ACVR2A: variants seen among roughly 807,000 people sequenced by gnomAD.
ACVR2A encodes activin A receptor type 2A.
A neutral mutation model predicts 61.4 loss-of-function variants in ACVR2A; 7 were observed. That is an observed-to-expected ratio of 0.11 (90% CI 0.06 to 0.21). ACVR2A has a LOEUF of 0.21. ACVR2A is among the 10% of genes least tolerant of loss of function. The pLI, the probability that ACVR2A is intolerant of heterozygous loss-of-function variation, is 1.00. For synonymous variants in ACVR2A, 193 were observed against 208.3 expected (o/e 0.93, Z 0.63); for missense variants, 322 against 621.7 (o/e 0.52, Z 5.13).
In ACVR2A at chr2:147,908,204, T is replaced by C. The variant is rs146168216; in HGVS notation, c.529-6987T>C. Among the ~76,000 whole-genome samples, 1,062 of 152,300 alleles carry C rather than the reference T, an allele frequency of 7.0e-3. 10 individuals are homozygous for C. Among genetic ancestry groups the C allele is most frequent in the African/African-American group, 0.024 (998 of 41,562 alleles). On this transcript the variant is annotated intron_variant, in intron 4 of 10. Coordinates refer to ENST00000241416, the MANE Select transcript of ACVR2A (RefSeq NM_001616.5). The stretch of plus-strand genomic sequence containing the variant: ...TTCATGTGTAACATGGTTTATTTTC[T>C]GGTTTTTTCAGCTACACTTGCAGAA...
At chr2:147,872,990 G>A (rs531860472) in intron 1 of ACVR2A, among the ~76,000 whole-genome samples, 119 of 152,026 alleles carry the variant, frequency 7.8e-4, no homozygotes, top group Non-Finnish European at 1.3e-3. Flanking sequence ...TTTGACACTT[G>A]TATTGGAGAC....
At chr2:147,915,048 G>A (rs2105213345) in intron 4 of ACVR2A, 143 bp from the exon 5 acceptor site, 1 of 728,460 alleles carries the variant, frequency 1.4e-6, no homozygotes, top group Non-Finnish European at 2.2e-6. Flanking sequence ...ATCTAATTAT[G>A]GCAACATTGA....
At chr2:147,915,379 C>G (rs758522241) in intron 5 of ACVR2A, 45 bp downstream of exon 5, 1 of 1,604,204 alleles carries the variant, frequency 6.2e-7, no homozygotes, top group Non-Finnish European at 8.5e-7. Context: ...TGTTTTATGG[C>G]TAGGTCATCA....
rs1687615723 is a variant in ACVR2A, at chr2:147,929,770, A to G, written c.*2496A>G. 1 of 152,266 alleles carries G rather than the reference A, an allele frequency of 6.6e-6. No individual in the cohort carries two copies. Among genetic ancestry groups the G allele is most frequent in the African/African-American group, 2.4e-5 (1 of 41,352 alleles). The allele number at this position is 152,266 out of a possible 1,614,324, so 9.4% of individuals were successfully genotyped here. On this transcript the variant is annotated 3_prime_UTR_variant, in exon 11 of 11. Coordinates refer to ENST00000241416, the MANE Select transcript of ACVR2A (RefSeq NM_001616.5). ...CAAAGAATGAGAAAAATGGTGATCC[A>G]TTTTGGGGCAAACTGAGACCCCCCA...
chr2:147,857,699 A>G (rs1188249475), intron 1 of ACVR2A, among the ~76,000 whole-genome samples: 2 of 152,140 alleles, frequency 1.3e-5, no homozygotes, highest in African/African-American at 4.8e-5. Flanking sequence ...ATGGAATATC[A>G]TGTGAACTTG....
intron 4 of ACVR2A, among the ~76,000 whole-genome samples, chr2:147,912,453 T>C (rs1687142344): frequency 6.6e-6 from 1 of 151,958 alleles, no homozygotes; most frequent in Non-Finnish European, 1.5e-5. Context: ...TTTCTCTATG[T>C]AGCCAGGTAA....
intron 1 of ACVR2A, among the ~76,000 whole-genome samples, chr2:147,868,413 C>T (rs1341673883): frequency 6.6e-6 from 1 of 152,090 alleles, no homozygotes; most frequent in East Asian, 1.9e-4. Flanking sequence ...GAAATGGAGC[C>T]TGGGATGCCA....
At chr2:147,870,072 G>A (rs192326122) in intron 1 of ACVR2A, among the ~76,000 whole-genome samples, 138 of 146,534 alleles carry the variant, frequency 9.4e-4, no homozygotes, top group African/African-American at 3.2e-3. Context: ...ATGGGAGGAC[G>A]TATGAGGAGG....
chr2:147,856,450 A>G (rs1431739022), intron 1 of ACVR2A, among the ~76,000 whole-genome samples: 1 of 152,176 alleles, frequency 6.6e-6, no homozygotes. Context: ...TATAAATACT[A>G]TAGGTCATTT....
intron 7 of ACVR2A, 112 bp downstream of exon 7, chr2:147,918,704 ACAGT>A: frequency 2.2e-6 from 2 of 906,744 alleles, no homozygotes; most frequent in Non-Finnish European, 1.5e-6. Flanking sequence ...GCTTTACAAG[ACAGT>A]CAGTTTTCAT....
intron 4 of ACVR2A, among the ~76,000 whole-genome samples, chr2:147,913,013 GAT>G (rs1199997110): frequency 3.3e-5 from 5 of 151,740 alleles, no homozygotes; most frequent in Non-Finnish European, 7.4e-5. Flanking sequence ...CTGAAATAAT[GAT>G]AGCTTAGAAA....
chr2:147,868,804 A>AT (rs964117997), intron 1 of ACVR2A, among the ~76,000 whole-genome samples: 8 of 150,778 alleles, frequency 5.3e-5, no homozygotes, highest in South Asian at 2.1e-4. Context: ...TAATTTTTTA[A>AT]TTTTTTTTGT....
intron 1 of ACVR2A, among the ~76,000 whole-genome samples, chr2:147,867,105 A>G (rs1180209931): frequency 1.3e-5 from 2 of 152,230 alleles, no homozygotes; most frequent in Non-Finnish European, 2.9e-5. Context: ...TAGAGCCTGA[A>G]AAGTCACCAC....
intron 1 of ACVR2A, among the ~76,000 whole-genome samples, chr2:147,892,011 G>A (rs1307376768): frequency 1.3e-5 from 2 of 151,580 alleles, no homozygotes; most frequent in African/African-American, 4.9e-5. Context: ...TCTTTCTGTT[G>A]CCCAGGCTGG....
At chr2:147,915,052 A>T (rs1300585432) in intron 4 of ACVR2A, 139 bp from the exon 5 acceptor site, 2 of 747,824 alleles carry the variant, frequency 2.7e-6, no homozygotes, top group Non-Finnish European at 4.3e-6. Flanking sequence ...AATTATGGCA[A>T]CATTGAAGTT....
chr2:147,855,957 A>G (rs1685561574), intron 1 of ACVR2A, among the ~76,000 whole-genome samples: 3 of 152,016 alleles, frequency 2.0e-5, no homozygotes, highest in Admixed American at 2.0e-4. Flanking sequence ...GTAATATACT[A>G]TATTGTTGGT....
At position 147,899,800 on chromosome 2, in the gene ACVR2A, T is replaced by A; in HGVS notation, c.430T>A (p.Leu144Met). The change falls in exon 4 of 11, where the codon TTG (leucine) becomes ATG (methionine). Residue 144 changes from leucine (L) to methionine (M), a missense_variant. Transcript: ENST00000241416. ...CTATTACAACATCCTGCTCTATTCC[T>A]TGGTGCCACTTATGTTAATTGCGGG... ...PPYYNILLYS[L>M]VPLMLIAGIV... The A allele has an allele frequency of 6.2e-7, 1 of 1,613,842 alleles. No individual in the cohort carries two copies. Among genetic ancestry groups the A allele is most frequent in the Non-Finnish European group, 8.5e-7 (1 of 1,179,774 alleles).
At chr2:147,905,958 G>C (rs1001269599) in intron 4 of ACVR2A, among the ~76,000 whole-genome samples, 9 of 152,132 alleles carry the variant, frequency 5.9e-5, no homozygotes, top group Non-Finnish European at 1.3e-4. Flanking sequence ...AGTGACTTCT[G>C]TTTAAATTTT....
chr2:147,870,816 A>G lies in ACVR2A; in HGVS notation c.56-25485A>G, dbSNP rs552703234. Among the ~76,000 whole-genome samples, 3 of 152,122 alleles carry G rather than the reference A, an allele frequency of 2.0e-5. No individual in the cohort carries two copies. The South Asian group carries it at 6.2e-4, about 32-fold the overall frequency. ...TGCATATGTGCCATTCTTTTCCCTGAGTACCCTCTTCCTTCTTTATATACT... is the reference window on the plus strand; with the variant it reads ...TGCATATGTGCCATTCTTTTCCCTGGGTACCCTCTTCCTTCTTTATATACT... On this transcript the variant is annotated intron_variant, in intron 1 of 10. Transcript: ENST00000241416.
Sources: gnomAD v4.1 joint callset for allele counts (sites outside exome capture counted in the v4.1 genomes callset) on GRCh38, gnomAD v4.1.1 for gene constraint, MANE v1.5 for transcripts, NCBI Gene and HGNC (gene_info 2026-07-23, HGNC 2026-07-21) for gene names.